Variants in CDH8 observed in about 807,000 individuals in gnomAD.
CDH8 encodes cadherin-8.
CDH8 carries 17 observed loss-of-function variants against 68.1 expected under a neutral mutation model. The observed-to-expected ratio is 0.25, with a 90% CI of 0.17 to 0.37. CDH8 has a LOEUF of 0.37. CDH8 is among the 10% of genes least tolerant of loss of function. The pLI, the probability that CDH8 is intolerant of heterozygous loss-of-function variation, is 1.00. For missense variants in CDH8, 763 were observed against 999.3 expected (o/e 0.76, Z 3.19); for synonymous variants, 372 against 365.1 (o/e 1.02, Z -0.21).
At chr16:61,854,452 T>C (rs1963003741) in intron 4 of CDH8, among the ~76,000 whole-genome samples, 1 of 152,098 alleles carries the variant, frequency 6.6e-6, no homozygotes, top group African/African-American at 2.4e-5. Flanking sequence ...CTTATACTGC[T>C]TTTTCTCCTC....
rs542791581 is a variant in CDH8 at position 61,739,699 on chromosome 16, G to A, written c.1415-12484C>T. ...AACGAAATCATGCCACTACACTCTA[G>A]CCTGGGCAACAGAGCGAGACTCTGC... is the stretch of plus-strand genomic sequence containing the variant. On this transcript the variant is annotated intron_variant, in intron 8 of 11. Coordinates refer to ENST00000577390, the MANE Select transcript of CDH8 (RefSeq NM_001796.5). 8.9e-5 allele frequency among the ~76,000 whole-genome samples: 13 copies of A among 146,166 alleles called. No homozygotes were observed. In the East Asian group the frequency reaches 2.6e-3, roughly 29 times the overall value.
chr16:61,813,815 T>C (rs1232700763), intron 7 of CDH8, among the ~76,000 whole-genome samples: 1 of 152,092 alleles, frequency 6.6e-6, no homozygotes, highest in Non-Finnish European at 1.5e-5. Context: ...ATACTAGAAG[T>C]GTTAGAGAAT....
chr16:61,713,907 A>G lies in CDH8; in HGVS notation c.1588T>C (p.Tyr530His). Reference sequence around the variant, plus strand: ...TCTGGAAGGAGACTGTATAAGAAATAATGTCCGTTTTTGGGATCATCTTTG... The same window carrying G: ...TCTGGAAGGAGACTGTATAAGAAATGATGTCCGTTTTTGGGATCATCTTTG... Reference protein sequence around the residue: ...MDKDDPKNGHYFLYSLLPEMV... With the variant: ...MDKDDPKNGHHFLYSLLPEMV... The change falls in exon 10 of 12, where the codon TAT becomes CAT. Residue 530 changes from tyrosine (Y) to histidine (H), a missense_variant. Physicochemically the swap from Tyr to His is moderately conservative, Grantham distance 83. This residue lies in a region of CDH8 where 397 missense variants were observed against 436.2 expected (regional missense o/e 0.91). Coordinates refer to ENST00000577390, the MANE Select transcript of CDH8 (RefSeq NM_001796.5). 1 of 1,610,230 alleles carries G rather than the reference A, an allele frequency of 6.2e-7. No individual in the cohort carries two copies. The highest frequency in any genetic ancestry group is 1.7e-5 in the Admixed American group (1 of 59,830).
intron 2 of CDH8, among the ~76,000 whole-genome samples, chr16:62,010,611 A>G (rs972455796): frequency 3.3e-5 from 5 of 152,162 alleles, no homozygotes; most frequent in Non-Finnish European, 5.9e-5. Flanking sequence ...CACTCAATAG[A>G]TACTATCATT....
At chr16:61,757,325 C>G (rs772917650) in intron 8 of CDH8, among the ~76,000 whole-genome samples, 3 of 151,930 alleles carry the variant, frequency 2.0e-5, no homozygotes, top group African/African-American at 4.8e-5. Flanking sequence ...TCAGAATGCT[C>G]TATGGTTTTA....
intron 7 of CDH8, among the ~76,000 whole-genome samples, chr16:61,800,667 C>G (rs1961602036): frequency 6.6e-6 from 1 of 152,162 alleles, no homozygotes; most frequent in African/African-American, 2.4e-5. Context: ...TAGACCCGTC[C>G]CATTCCCCAG....
chr16:61,814,534 A>C (rs1382876431), intron 7 of CDH8, among the ~76,000 whole-genome samples: 1 of 152,328 alleles, frequency 6.6e-6, no homozygotes, highest in South Asian at 2.1e-4. Flanking sequence ...AAGCCAACCA[A>C]CCAACAAATA....
intron 10 of CDH8, among the ~76,000 whole-genome samples, chr16:61,668,956 G>T (rs1963736296): frequency 6.6e-6 from 1 of 151,988 alleles, no homozygotes. Context: ...TAAAGCACTA[G>T]TTTAAGTGAA....
chr16:62,029,174 G>A (rs1056193683), intron 1 of CDH8, among the ~76,000 whole-genome samples: 2 of 152,164 alleles, frequency 1.3e-5, no homozygotes. Flanking sequence ...GATTAAGGAA[G>A]AAATAAATAA....
chr16:61,911,652 C>T (rs1964165119), intron 2 of CDH8, among the ~76,000 whole-genome samples: 1 of 147,180 alleles, frequency 6.8e-6, no homozygotes, highest in Admixed American at 6.9e-5. Flanking sequence ...CTCTCTTTTT[C>T]ACTCTTGATA....
chr16:61,745,419 T>C (rs775385735), intron 8 of CDH8, among the ~76,000 whole-genome samples: 16 of 152,120 alleles, frequency 1.1e-4, no homozygotes, highest in Middle Eastern at 6.8e-3. Flanking sequence ...TGAAAATTTG[T>C]GACCATTATT....
At chr16:61,756,139 C>T (rs948305202) in intron 8 of CDH8, among the ~76,000 whole-genome samples, 2 of 152,020 alleles carry the variant, frequency 1.3e-5, no homozygotes, top group Non-Finnish European at 2.9e-5. Context: ...GATTTTGTAA[C>T]CAAGTTGTTA....
chr16:61,715,901 T>A (rs977825326), intron 9 of CDH8, among the ~76,000 whole-genome samples: 3 of 151,674 alleles, frequency 2.0e-5, no homozygotes, highest in South Asian at 2.1e-4. Flanking sequence ...TGGATTTTCA[T>A]GTTAAAAAGT....
chr16:61,851,716 T>C (rs1023954805), intron 4 of CDH8, among the ~76,000 whole-genome samples: 2 of 152,058 alleles, frequency 1.3e-5, no homozygotes, highest in African/African-American at 2.4e-5. Flanking sequence ...TGAAGTACCA[T>C]AATAAAAACT....
intron 7 of CDH8, among the ~76,000 whole-genome samples, chr16:61,793,914 A>G (rs1961440438): frequency 6.6e-6 from 1 of 152,004 alleles, no homozygotes; most frequent in African/African-American, 2.4e-5. Flanking sequence ...CATCCAGTCT[A>G]TTTTGTAGTT....
chr16:61,743,235 A>G (rs1959923603), intron 8 of CDH8: 1 of 152,094 alleles, frequency 6.6e-6, no homozygotes, highest in African/African-American at 2.4e-5. Context: ...TCTCCTACAA[A>G]TGAAGCTTGA....
At chr16:61,753,490 T>C (rs569133375) in intron 8 of CDH8, among the ~76,000 whole-genome samples, 60 of 152,262 alleles carry the variant, frequency 3.9e-4, no homozygotes, top group African/African-American at 1.4e-3. Flanking sequence ...TTTGCCCACC[T>C]CAGCTTCCCA....
intron 2 of CDH8, among the ~76,000 whole-genome samples, chr16:61,909,561 G>A (rs562997963): frequency 2.0e-5 from 3 of 152,232 alleles, no homozygotes; most frequent in Admixed American, 6.5e-5. Flanking sequence ...TCAGATTCCA[G>A]AACTTATGTA....
At chr16:61,993,418 C>A (rs752883320) in intron 2 of CDH8, among the ~76,000 whole-genome samples, 1 of 151,914 alleles carries the variant, frequency 6.6e-6, no homozygotes, top group Non-Finnish European at 1.5e-5. Context: ...CTCCCGGGTT[C>A]AAGTGATTCT....
Sources: allele counts gnomAD v4.1 joint callset (sites outside exome capture counted in the v4.1 genomes callset), GRCh38; gene constraint gnomAD v4.1.1; regional missense constraint gnomAD v4.1.1; transcripts MANE v1.5; gene names NCBI Gene and HGNC (gene_info 2026-07-23, HGNC 2026-07-21).